ZFHX3: variants seen among roughly 807,000 people sequenced by gnomAD.
ZFHX3 encodes zinc finger homeobox 3.
In ZFHX3, 42 loss-of-function variants were observed where a neutral mutation model predicts 279.1. That is an observed-to-expected ratio of 0.15 (90% CI 0.12 to 0.19). The LOEUF (loss-of-function observed/expected upper bound fraction) is 0.19. Among genes scored for constraint, ZFHX3 ranks in the 10% least tolerant of loss-of-function variants. The pLI is 1.00. For synonymous variants in ZFHX3, 2,293 were observed against 1,957.8 expected (o/e 1.17, Z -4.52); for missense variants, 4,981 against 4,754.0 (o/e 1.05, Z -1.40).
intron 3 of ZFHX3, among the ~76,000 whole-genome samples, chr16:73,432,792 T>C (rs1446346948): frequency 3.9e-5 from 6 of 152,166 alleles, no homozygotes; most frequent in Admixed American, 2.6e-4. Flanking sequence ...TTCTTCTTTT[T>C]TTTCTACCTT....
At chr16:72,967,668 G>A (rs2144496493) in intron 1 of ZFHX3, among the ~76,000 whole-genome samples, 1 of 151,668 alleles carries the variant, frequency 6.6e-6, no homozygotes, top group Admixed American at 6.6e-5. Context: ...TGTAATCCCA[G>A]CACTTTGGGA....
At chr16:73,653,955 C>G (rs986198717) in intron 2 of ZFHX3, among the ~76,000 whole-genome samples, 1 of 151,982 alleles carries the variant, frequency 6.6e-6, no homozygotes, top group East Asian at 1.9e-4. Flanking sequence ...GAGGCCGAGG[C>G]GGGTGGATCA....
chr16:73,266,711 C>A (rs1183232890), intron 4 of ZFHX3, among the ~76,000 whole-genome samples: 3 of 152,180 alleles, frequency 2.0e-5, no homozygotes, highest in Non-Finnish European at 4.4e-5. Flanking sequence ...GGGAATGGAG[C>A]TTTTCTGTGC....
At position 73,150,680 on chromosome 16, in the gene ZFHX3, G is replaced by A. The variant is rs184987410; in HGVS notation, c.-1103-6849C>T. On this transcript the variant is annotated intron_variant, in intron 5 of 17. Transcript: ENST00000641206. ...CTAAAAGAGTAGTTAAAAGCCAGGG[G>A]TATCAGAGTGACTGGTGGACATGAT... is the stretch of plus-strand genomic sequence containing the variant. Among the ~76,000 whole-genome samples the A allele has an allele frequency of 1.7e-4, 26 of 152,268 alleles. No individual in the cohort carries two copies. The East Asian group carries it at 3.7e-3, about 21-fold the overall frequency.
At chr16:73,636,789 G>C (rs2052530665) in intron 2 of ZFHX3, among the ~76,000 whole-genome samples, 1 of 152,128 alleles carries the variant, frequency 6.6e-6, no homozygotes, top group African/African-American at 2.4e-5. Context: ...CATGTTTGTA[G>C]CTATATGGAA....
chr16:73,785,253 A>G (rs1320530671), intron 1 of ZFHX3, among the ~76,000 whole-genome samples: 2 of 152,130 alleles, frequency 1.3e-5, no homozygotes, highest in Admixed American at 6.6e-5. Context: ...TTTTGTACCA[A>G]CTTTTTGTTT....
chr16:73,296,877 A>ATGTTTTTTTTTTTTTTTTTTTT (rs755308796), intron 4 of ZFHX3, among the ~76,000 whole-genome samples: 3 of 116,066 alleles, frequency 2.6e-5, no homozygotes, highest in Non-Finnish European at 3.5e-5. Flanking sequence ...TGAAGCAGGA[A>ATGTTTTTTTTTTTTTTTTTTTT]TTTTTTTTTT....
chr16:73,848,859 T>C (rs1023206444), intron 1 of ZFHX3, among the ~76,000 whole-genome samples: 1 of 152,230 alleles, frequency 6.6e-6, no homozygotes, highest in African/African-American at 2.4e-5. Flanking sequence ...TTTTTACTCA[T>C]ACGTACTTTC....
intron 8 of ZFHX3, among the ~76,000 whole-genome samples, chr16:73,090,911 GAAA>G (rs57632636): frequency 0.8 from 87,094 of 108,202 alleles, 34,846 homozygotes; most frequent in East Asian, 0.95. Context: ...ATCCCATATT[GAAA>G]AAAAAAAAAA....
intron 1 of ZFHX3, among the ~76,000 whole-genome samples, chr16:73,036,660 T>G (rs974679452): frequency 1.9e-4 from 28 of 151,250 alleles, no homozygotes; most frequent in Non-Finnish European, 3.5e-4. Context: ...GGAGGGGGAC[T>G]GGGTGTATCA....
chr16:73,070,215 T>G (rs1246075096), intron 8 of ZFHX3, among the ~76,000 whole-genome samples: 1 of 152,200 alleles, frequency 6.6e-6, no homozygotes, highest in African/African-American at 2.4e-5. Context: ...TTTTAATGTA[T>G]TCTCATTGAA....
chr16:72,865,227 G>A (rs1315639950), intron 4 of ZFHX3, among the ~76,000 whole-genome samples: 2 of 152,220 alleles, frequency 1.3e-5, no homozygotes. Flanking sequence ...TGCCCAGGCA[G>A]GGCACAAGAC....
chr16:72,918,613 A>C (rs904179268), intron 3 of ZFHX3, among the ~76,000 whole-genome samples: 3 of 152,122 alleles, frequency 2.0e-5, no homozygotes, highest in African/African-American at 7.2e-5. Context: ...GCTTTATGAT[A>C]ATTAAAGGTG....
intron 5 of ZFHX3, among the ~76,000 whole-genome samples, chr16:73,194,024 T>C (rs558938377): frequency 4.3e-4 from 65 of 152,268 alleles, no homozygotes; most frequent in African/African-American, 1.4e-3. Flanking sequence ...TTCTTAAGCT[T>C]CTGAGGGCCA....
chr16:73,500,889 G>A (rs1166086649), intron 2 of ZFHX3, among the ~76,000 whole-genome samples: 1 of 152,202 alleles, frequency 6.6e-6, no homozygotes, highest in Non-Finnish European at 1.5e-5. Context: ...ATTAAATACT[G>A]TAATAAATCT....
At chr16:73,382,701 C>T (rs1341676875) in intron 3 of ZFHX3, among the ~76,000 whole-genome samples, 8 of 152,150 alleles carry the variant, frequency 5.3e-5, no homozygotes, top group Non-Finnish European at 7.3e-5. Flanking sequence ...TGCCATACCC[C>T]GCTATGGAAT....
chr16:72,933,210 C>A (rs1019293951), intron 3 of ZFHX3, among the ~76,000 whole-genome samples: 1 of 152,118 alleles, frequency 6.6e-6, no homozygotes. Context: ...CGCTCTTAAC[C>A]AGGTATGTTA....
chr16:73,156,289 G>T (rs1967083172), intron 5 of ZFHX3, among the ~76,000 whole-genome samples: 1 of 147,532 alleles, frequency 6.8e-6, no homozygotes, highest in Non-Finnish European at 1.5e-5. Context: ...TAACACAAAA[G>T]TCAGGCTTAT....
intron 2 of ZFHX3, among the ~76,000 whole-genome samples, chr16:73,524,854 G>T (rs937088588): frequency 6.6e-6 from 1 of 152,204 alleles, no homozygotes; most frequent in Admixed American, 6.5e-5. Flanking sequence ...CCCCAGGTGG[G>T]CTGAGGGCAG....
Sources: allele counts gnomAD v4.1 joint callset (sites outside exome capture counted in the v4.1 genomes callset), GRCh38; gene constraint gnomAD v4.1.1; transcripts MANE v1.5; gene names NCBI Gene and HGNC (gene_info 2026-07-23, HGNC 2026-07-21).